Variants in RSF1 observed in about 807,000 individuals in gnomAD.
The protein encoded by RSF1 is remodeling and spacing factor 1.
Under a neutral mutation model 145.2 loss-of-function variants are expected in RSF1, and 13 were observed. The observed-to-expected ratio is 0.09, with a 90% CI of 0.06 to 0.14. The LOEUF (loss-of-function observed/expected upper bound fraction) is 0.14, where lower values mean the gene tolerates loss of function less well. Among genes scored for constraint, RSF1 ranks in the 10% least tolerant of loss-of-function variants. The pLI is 1.00. For missense variants in RSF1, 1,517 were observed against 1,718.2 expected (o/e 0.88, Z 2.07); for synonymous variants, 577 against 592.6 (o/e 0.97, Z 0.38).
At chr11:77,826,453 C>T in the RSF1 span, among the ~76,000 whole-genome samples, 1 of 151,988 alleles carries the variant, frequency 6.6e-6, no homozygotes, top group Non-Finnish European at 1.5e-5. Context: ...TTAAATAATT[C>T]AGAACAGGGA....
At chr11:77,853,532 G>T in the RSF1 span, among the ~76,000 whole-genome samples, 2 of 152,074 alleles carry the variant, frequency 1.3e-5, no homozygotes, top group Non-Finnish European at 2.9e-5. Flanking sequence ...CTCACACCAG[G>T]CCCCTTCTCC....
At chr11:77,723,393 T>C (rs576481828) in intron 5 of RSF1, among the ~76,000 whole-genome samples, 1 of 151,518 alleles carries the variant, frequency 6.6e-6, no homozygotes, top group East Asian at 1.9e-4. Flanking sequence ...AGCCCAAGAG[T>C]TCTAAGCTGC....
At chr11:77,767,122 G>C (rs929114928) in intron 1 of RSF1, among the ~76,000 whole-genome samples, 17 of 152,150 alleles carry the variant, frequency 1.1e-4, no homozygotes, top group Non-Finnish European at 5.9e-5. Context: ...ATTAAAAAAG[G>C]CTGTGTTGGC....
intron 1 of RSF1, among the ~76,000 whole-genome samples, chr11:77,799,357 A>C (rs926523722): frequency 5.3e-5 from 8 of 152,040 alleles, no homozygotes; most frequent in Non-Finnish European, 1.2e-4. Flanking sequence ...AAAATACAAA[A>C]ATTAGCCAGG....
rs1590831713 is a variant in RSF1, at chr11:77,690,966, T to C, written c.2900+193A>G. 3 of 535,860 alleles carry C rather than the reference T, an allele frequency of 5.6e-6. No individual in the cohort carries two copies. The East Asian group carries it at 9.0e-5, about 16-fold the overall frequency. The allele number at this position is 535,860 out of a possible 1,614,324, so 33.2% of individuals were successfully genotyped here. On this transcript the variant is annotated intron_variant, in intron 9 of 15. Transcript: ENST00000308488. ...TGTGTCATGAAATATGATTCTAGTT[T>C]TTCCCCCCAATCATTTAAAAACATA...
chr11:77,796,640 T>C (rs575379357), intron 1 of RSF1, among the ~76,000 whole-genome samples: 70 of 152,266 alleles, frequency 4.6e-4, no homozygotes, highest in African/African-American at 1.6e-3. Flanking sequence ...TTCAACATAG[T>C]ATTGGAAGTT....
chr11:77,721,979 C>T (rs1233951821), intron 5 of RSF1, among the ~76,000 whole-genome samples: 1 of 152,060 alleles, frequency 6.6e-6, no homozygotes, highest in Non-Finnish European at 1.5e-5. Context: ...TCGAGACCAG[C>T]CTGGGCAACA....
intron 7 of RSF1, 30 bp from the exon 8 acceptor site, chr11:77,693,641 C>T (rs778578567): frequency 2.7e-6 from 4 of 1,500,606 alleles, no homozygotes; most frequent in Admixed American, 1.7e-5. Flanking sequence ...GTCAACCTAA[C>T]TATGACTAAA....
At chr11:77,669,391 T>C (rs1022788093) in intron 15 of RSF1, among the ~76,000 whole-genome samples, 21 of 152,146 alleles carry the variant, frequency 1.4e-4, no homozygotes, top group Non-Finnish European at 1.5e-5. Flanking sequence ...GTGGGATGGT[T>C]TGCTTTCCTC....
intron 5 of RSF1, among the ~76,000 whole-genome samples, chr11:77,706,134 G>C (rs1467948540): frequency 6.6e-6 from 1 of 151,028 alleles, no homozygotes; most frequent in South Asian, 2.1e-4. Flanking sequence ...CCAGCTACTC[G>C]AGAGGCTGAG....
At chr11:77,751,171 A>G (rs1948058623) in intron 2 of RSF1, among the ~76,000 whole-genome samples, 1 of 152,218 alleles carries the variant, frequency 6.6e-6, no homozygotes, top group African/African-American at 2.4e-5. Flanking sequence ...GTGACTTCAC[A>G]TGCCTACAGA....
At chr11:77,787,922 A>T (rs1405602035) in intron 1 of RSF1, among the ~76,000 whole-genome samples, 1 of 151,496 alleles carries the variant, frequency 6.6e-6, no homozygotes, top group Non-Finnish European at 1.5e-5. Context: ...TGAGTCCAGG[A>T]GTTTGAGACG....
intron 5 of RSF1, among the ~76,000 whole-genome samples, chr11:77,709,469 G>A (rs184968525): frequency 4.6e-5 from 7 of 152,064 alleles, no homozygotes; most frequent in Middle Eastern, 3.4e-3. Context: ...AATATGACAG[G>A]TGAAATATCA....
chr11:77,794,378 T>C (rs1194910198), intron 1 of RSF1, among the ~76,000 whole-genome samples: 3 of 152,110 alleles, frequency 2.0e-5, no homozygotes, highest in Non-Finnish European at 2.9e-5. Flanking sequence ...AGAGGAACTT[T>C]AGAAACCATA....
the RSF1 span, chr11:77,842,426 C>A: frequency 6.5e-7 from 1 of 1,527,368 alleles, no homozygotes; most frequent in Non-Finnish European, 8.9e-7. Context: ...TATTTTCAAA[C>A]TGTTTCAGCC....
chr11:77,860,995 T>C, the RSF1 span, among the ~76,000 whole-genome samples: 1 of 152,104 alleles, frequency 6.6e-6, no homozygotes, highest in Non-Finnish European at 1.5e-5. Context: ...GGCTTTTAGG[T>C]TCTTAACAAT....
the RSF1 span, among the ~76,000 whole-genome samples, chr11:77,846,139 C>A: frequency 6.6e-6 from 1 of 151,986 alleles, no homozygotes; most frequent in Non-Finnish European, 1.5e-5. Context: ...TCTATAAAGT[C>A]TGTATTCTTT....
chr11:77,823,110 G>T (rs1463298699), upstream of RSF1, among the ~76,000 whole-genome samples: 4 of 150,844 alleles, frequency 2.7e-5, no homozygotes, highest in Admixed American at 6.6e-5. Flanking sequence ...AGCTACTCGG[G>T]AGGCTGAGGC....
the RSF1 span, among the ~76,000 whole-genome samples, chr11:77,833,582 C>T: frequency 1.3e-5 from 2 of 152,314 alleles, no homozygotes; most frequent in African/African-American, 2.4e-5. Flanking sequence ...CAGCCCAGTT[C>T]CTAACAGATC....
Sources: allele counts gnomAD v4.1 joint callset (sites outside exome capture counted in the v4.1 genomes callset), GRCh38; gene constraint gnomAD v4.1.1; transcripts MANE v1.5; gene names NCBI Gene and HGNC (gene_info 2026-07-23, HGNC 2026-07-21).